The following KIAA0232 variants were observed in gnomAD, a reference collection of about 807,000 sequenced individuals.
KIAA0232 encodes the protein uncharacterized protein KIAA0232.
A neutral mutation model predicts 122.0 loss-of-function variants in KIAA0232; 27 were observed. The ratio of observed to expected loss-of-function variants is 0.22; its 90% CI spans 0.16 to 0.31. The LOEUF (loss-of-function observed/expected upper bound fraction) is 0.31. Among genes scored for constraint, KIAA0232 ranks in the 10% least tolerant of loss-of-function variants. The probability of loss-of-function intolerance (pLI) is 1.00; values close to 1 mark genes in which losing one functional copy is unlikely to be tolerated. For synonymous variants in KIAA0232, 613 were observed against 587.6 expected, an observed-to-expected ratio of 1.04 and a Z score of -0.63; for missense variants, 1,551 against 1,634.2, an observed-to-expected ratio of 0.95 and a Z score of 0.88.
intron 3 of KIAA0232, among the ~76,000 whole-genome samples, chr4:6,836,918 A>G (rs1359802847): frequency 6.6e-6 from 1 of 152,226 alleles, no homozygotes; most frequent in Non-Finnish European, 1.5e-5. Flanking sequence ...CTTAGTACAG[A>G]ACAAAATGGA....
intron 3 of KIAA0232, among the ~76,000 whole-genome samples, chr4:6,825,057 C>G (rs867799208): frequency 6.6e-6 from 1 of 152,124 alleles, no homozygotes; most frequent in African/African-American, 2.4e-5. Flanking sequence ...TTAAACATTG[C>G]GTCTATTATA....
At chr4:6,818,921 T>G (rs975346019) in intron 2 of KIAA0232, among the ~76,000 whole-genome samples, 1 of 151,900 alleles carries the variant, frequency 6.6e-6, no homozygotes, top group African/African-American at 2.4e-5. Context: ...GAAATAAAGG[T>G]GTACACCTGT....
intron 9 of KIAA0232, among the ~76,000 whole-genome samples, chr4:6,878,164 C>T (rs550501426): frequency 6.6e-6 from 1 of 152,294 alleles, no homozygotes; most frequent in South Asian, 2.1e-4. Flanking sequence ...CACCTGAGGT[C>T]AGGAGTTCAA....
chr4:6,801,960 C>G (rs1717403548), intron 1 of KIAA0232, among the ~76,000 whole-genome samples: 1 of 152,012 alleles, frequency 6.6e-6, no homozygotes, highest in Admixed American at 6.6e-5. Context: ...ATAATAAATA[C>G]CCACTAAATG....
chr4:6,783,555 C>T (rs1716460974), intron 1 of KIAA0232, among the ~76,000 whole-genome samples: 1 of 152,132 alleles, frequency 6.6e-6, no homozygotes, highest in African/African-American at 2.4e-5. Context: ...GCGTTCCCTC[C>T]GTTCCCCTCC....
At chr4:6,783,550 C>T (rs533358507) in intron 1 of KIAA0232, among the ~76,000 whole-genome samples, 12 of 152,250 alleles carry the variant, frequency 7.9e-5, no homozygotes, top group East Asian at 7.7e-4. Context: ...CGCTCGCGTT[C>T]CCTCCGTTCC....
chr4:6,824,765 T>C, intron 3 of KIAA0232, 81 bp downstream of exon 3: 1 of 1,174,004 alleles, frequency 8.5e-7, no homozygotes, highest in South Asian at 1.3e-5. Context: ...ACTTTTATAC[T>C]TTAAAACTGA....
At chr4:6,838,777 T>C in intron 3 of KIAA0232, among the ~76,000 whole-genome samples, 1 of 148,000 alleles carries the variant, frequency 6.8e-6, no homozygotes, top group East Asian at 2.0e-4. Flanking sequence ...AAAATTGTTA[T>C]AAAGGTTGCT....
intron 3 of KIAA0232, 135 bp downstream of exon 3, chr4:6,824,819 G>A: frequency 1.4e-6 from 1 of 728,066 alleles, no homozygotes. Context: ...TCAGTGACCA[G>A]ATGGTAAGAT....
chr4:6,794,259 C>T (rs1047019114), intron 1 of KIAA0232, among the ~76,000 whole-genome samples: 6 of 152,192 alleles, frequency 3.9e-5, no homozygotes, highest in South Asian at 2.1e-4. Context: ...CATCCTGCAC[C>T]GGACAGAAAG....
At chr4:6,822,233 A>G (rs904423572) in intron 2 of KIAA0232, among the ~76,000 whole-genome samples, 10 of 152,156 alleles carry the variant, frequency 6.6e-5, no homozygotes, top group Non-Finnish European at 1.0e-4. Flanking sequence ...CTTCGCTTTA[A>G]TTTATCTAGT....
At chr4:6,810,410 A>T (rs1403261026) in intron 2 of KIAA0232, among the ~76,000 whole-genome samples, 1 of 152,194 alleles carries the variant, frequency 6.6e-6, no homozygotes, top group African/African-American at 2.4e-5. Flanking sequence ...GTCTCTCACC[A>T]TATACAAAAA....
intron 4 of KIAA0232, among the ~76,000 whole-genome samples, chr4:6,847,785 T>C (rs937127184): frequency 2.0e-5 from 3 of 152,108 alleles, no homozygotes; most frequent in African/African-American, 7.2e-5. Context: ...AGCTGTCTGT[T>C]TCATTCCTGT....
intron 2 of KIAA0232, among the ~76,000 whole-genome samples, chr4:6,811,261 A>G (rs1717862914): frequency 6.6e-6 from 1 of 152,224 alleles, no homozygotes; most frequent in East Asian, 1.9e-4. Context: ...TACACACAAT[A>G]GAATGCTATT....
At chr4:6,874,153 T>C (rs1015436262) in intron 8 of KIAA0232, among the ~76,000 whole-genome samples, 1 of 152,232 alleles carries the variant, frequency 6.6e-6, no homozygotes, top group Non-Finnish European at 1.5e-5. Flanking sequence ...CCTGCTGGCC[T>C]TGCTGCGCAT....
intron 2 of KIAA0232, among the ~76,000 whole-genome samples, chr4:6,810,986 T>C (rs539244659): frequency 6.6e-6 from 1 of 152,288 alleles, no homozygotes; most frequent in East Asian, 1.9e-4. Context: ...AGGAAACTCT[T>C]AAAGATTTTT....
chr4:6,801,546 G>A (rs1444602744), intron 1 of KIAA0232, among the ~76,000 whole-genome samples: 1 of 151,880 alleles, frequency 6.6e-6, no homozygotes, highest in Non-Finnish European at 1.5e-5. Flanking sequence ...AGCTGGACTT[G>A]ATGGCCACAC....
chr4:6,851,071 G>T (rs1335237621), intron 4 of KIAA0232, among the ~76,000 whole-genome samples: 5 of 152,062 alleles, frequency 3.3e-5, no homozygotes, highest in Non-Finnish European at 5.9e-5. Context: ...GTGTTTTTTT[G>T]TAACTGTCAG....
At chr4:6,867,708 G>T (rs9685974) in intron 7 of KIAA0232, among the ~76,000 whole-genome samples, 4 of 152,046 alleles carry the variant, frequency 2.6e-5, no homozygotes, top group African/African-American at 9.7e-5. Context: ...CAGGGGTCAT[G>T]CTGGTGATGT....
Sources: allele counts gnomAD v4.1 joint callset (sites outside exome capture counted in the v4.1 genomes callset), GRCh38; gene constraint gnomAD v4.1.1; transcripts MANE v1.5; gene names NCBI Gene and HGNC (gene_info 2026-07-23, HGNC 2026-07-21).